GRIP1: variants seen among roughly 807,000 people sequenced by gnomAD.
The protein encoded by GRIP1 is glutamate receptor-interacting protein 1.
In GRIP1, 45 loss-of-function variants were observed where a neutral mutation model predicts 129.9. The observed-to-expected ratio is 0.35, with a 90% CI of 0.27 to 0.44. The LOEUF (loss-of-function observed/expected upper bound fraction) is 0.44, where lower values mean the gene tolerates loss of function less well. GRIP1 is among the 20% of genes least tolerant of loss of function. GRIP1 has a pLI of 1.00. For missense variants in GRIP1, 1,196 were observed against 1,396.8 expected (o/e 0.86, Z 2.29); for synonymous variants, 530 against 520.8 (o/e 1.02, Z -0.24).
chr12:66,600,667 AT>A (rs1156442798), intron 1 of GRIP1, among the ~76,000 whole-genome samples: 2 of 152,230 alleles, frequency 1.3e-5, no homozygotes, highest in African/African-American at 4.8e-5. Context: ...GTATCTACAT[AT>A]ATTTCCTTCC....
rs140768337 is a variant in GRIP1, at chr12:66,577,701, G to A, written c.136+19146C>T. ...GCAGTGGCTCACGCCTGTAATTCCA[G>A]TACTTTGGGAGGCTGAGATGGGAGG... On this transcript the variant is annotated intron_variant, in intron 2 of 24. Transcript: ENST00000359742. Among the ~76,000 whole-genome samples, 637 of 152,276 alleles carry A rather than the reference G, an allele frequency of 4.2e-3. 7 individuals carry two copies. The highest frequency in any genetic ancestry group is 5.1e-3 in the Non-Finnish European group (350 of 68,030).
At chr12:66,845,185 G>C (rs1759452002) in intron 1 of GRIP1, among the ~76,000 whole-genome samples, 1 of 152,168 alleles carries the variant, frequency 6.6e-6, no homozygotes, top group African/African-American at 2.4e-5. Context: ...GTCTGGGCAT[G>C]GTGACTCACA....
chr12:66,828,950 T>C (rs918025666), intron 1 of GRIP1, among the ~76,000 whole-genome samples: 2 of 152,334 alleles, frequency 1.3e-5, no homozygotes, highest in East Asian at 1.9e-4. Flanking sequence ...TAGCCACTGA[T>C]TGAAGGATCT....
At chr12:66,819,997 T>C (rs1178725781) in intron 1 of GRIP1, among the ~76,000 whole-genome samples, 1 of 152,232 alleles carries the variant, frequency 6.6e-6, no homozygotes, top group Non-Finnish European at 1.5e-5. Flanking sequence ...GAGACTCAGT[T>C]ATCTGGAGGC....
At chr12:66,695,246 C>CTT (rs2035115817) in intron 1 of GRIP1, among the ~76,000 whole-genome samples, 1 of 151,160 alleles carries the variant, frequency 6.6e-6, no homozygotes, top group Non-Finnish European at 1.5e-5. Context: ...CACTCCTCAA[C>CTT]TGCTGACCCA....
intron 2 of GRIP1, among the ~76,000 whole-genome samples, chr12:66,561,827 C>T (rs1055345255): frequency 6.6e-6 from 1 of 152,126 alleles, no homozygotes; most frequent in Non-Finnish European, 1.5e-5. Context: ...GGTTTGGTGG[C>T]TCATGCCTGT....
chr12:66,957,303 C>T (rs960761820), intron 1 of GRIP1, among the ~76,000 whole-genome samples: 6 of 151,964 alleles, frequency 3.9e-5, no homozygotes, highest in African/African-American at 9.7e-5. Flanking sequence ...AAGGAACCAA[C>T]CCTGCCAAAC....
chr12:66,789,540 T>C (rs1010408751), intron 1 of GRIP1, among the ~76,000 whole-genome samples: 11 of 151,500 alleles, frequency 7.3e-5, no homozygotes, highest in African/African-American at 2.7e-4. Context: ...ATTATTGCAA[T>C]GGTTATTACC....
At chr12:66,912,130 G>A (rs1382238227) in intron 1 of GRIP1, among the ~76,000 whole-genome samples, 2 of 151,992 alleles carry the variant, frequency 1.3e-5, no homozygotes, top group Non-Finnish European at 2.9e-5. Context: ...ATTCCAAAAT[G>A]TTGGCATACT....
intron 1 of GRIP1, among the ~76,000 whole-genome samples, chr12:67,000,901 C>T (rs2042541398): frequency 6.6e-6 from 1 of 152,102 alleles, no homozygotes. Flanking sequence ...GATAAGGATG[C>T]CCCACGCAAT....
chr12:66,743,179 C>A (rs776878360), intron 1 of GRIP1, among the ~76,000 whole-genome samples: 2 of 152,132 alleles, frequency 1.3e-5, no homozygotes, highest in Non-Finnish European at 2.9e-5. Context: ...AGATGGCATG[C>A]AACAGGTACT....
At chr12:67,052,221 A>G (rs1723285029) in intron 1 of GRIP1, among the ~76,000 whole-genome samples, 1 of 152,204 alleles carries the variant, frequency 6.6e-6, no homozygotes, top group Non-Finnish European at 1.5e-5. Context: ...TTAGCATGAG[A>G]AACTGGCAAA....
At chr12:66,445,260 C>T in intron 12 of GRIP1, 62 bp downstream of exon 12, 1 of 1,295,920 alleles carries the variant, frequency 7.7e-7, no homozygotes, top group Non-Finnish European at 1.1e-6. Flanking sequence ...ACTAGCCATT[C>T]AAAGATAGCA....
rs545620043 is a variant in GRIP1 at position 66,886,964 on chromosome 12, G to C, written c.58+182086C>G. Among the ~76,000 whole-genome samples, 9 of 152,254 alleles carry C rather than the reference G, an allele frequency of 5.9e-5. No individual in the cohort carries two copies. In the South Asian group the frequency reaches 1.5e-3, roughly 25 times the overall value. ...ACACCTAAGTGAGAGCTATACGAGAGGTCTATGTCTCCATGTGCCCTTTTC... is the reference window on the plus strand; with the variant it reads ...ACACCTAAGTGAGAGCTATACGAGACGTCTATGTCTCCATGTGCCCTTTTC... On this transcript the variant is annotated intron_variant, in intron 1 of 1. Coordinates refer to the GRIP1 transcript ENST00000643019.
At chr12:66,440,835 A>T (rs926382861) in intron 13 of GRIP1, among the ~76,000 whole-genome samples, 2 of 152,220 alleles carry the variant, frequency 1.3e-5, no homozygotes, top group African/African-American at 2.4e-5. Context: ...TGACCTCACC[A>T]AATGTCCCCT....
At chr12:66,414,118 A>G (rs1404802592) in intron 15 of GRIP1, among the ~76,000 whole-genome samples, 2 of 152,270 alleles carry the variant, frequency 1.3e-5, no homozygotes, top group African/African-American at 2.4e-5. Context: ...CAAGAGAAAA[A>G]AATAAAGGGT....
chr12:66,638,115 G>A (rs59859388), intron 1 of GRIP1, among the ~76,000 whole-genome samples: 29,790 of 152,132 alleles, frequency 0.2, 3,060 homozygotes, highest in Non-Finnish European at 0.23. Flanking sequence ...CTCTCAGAAT[G>A]AGAACATAGT....
intron 1 of GRIP1, among the ~76,000 whole-genome samples, chr12:67,031,849 G>A (rs1247321389): frequency 6.6e-6 from 1 of 151,738 alleles, no homozygotes; most frequent in African/African-American, 2.4e-5. Flanking sequence ...TTTTGTTTGG[G>A]GTTTTCATTT....
intron 23 of GRIP1, among the ~76,000 whole-genome samples, chr12:66,368,234 C>T (rs2055266257): frequency 6.6e-6 from 1 of 151,986 alleles, no homozygotes; most frequent in Non-Finnish European, 1.5e-5. Flanking sequence ...CCTGCAGGAG[C>T]TGGAGTGTTT....
Sources: gnomAD v4.1 joint callset for allele counts (sites outside exome capture counted in the v4.1 genomes callset) on GRCh38, gnomAD v4.1.1 for gene constraint, MANE v1.5 for transcripts, NCBI Gene and HGNC (gene_info 2026-07-23, HGNC 2026-07-21) for gene names.